ERBIN: variants seen among roughly 807,000 people sequenced by gnomAD.
ERBIN encodes the protein erbb2 interacting protein.
Under a neutral mutation model 158.4 loss-of-function variants are expected in ERBIN, and 60 were observed. That is an observed-to-expected ratio of 0.38 (90% CI 0.31 to 0.47). The LOEUF is 0.47. ERBIN is among the 20% of genes least tolerant of loss of function. The probability of loss-of-function intolerance (pLI) is 0.99; values close to 1 mark genes in which losing one functional copy is unlikely to be tolerated. For synonymous variants in ERBIN, 594 were observed against 557.2 expected, an observed-to-expected ratio of 1.07 and a Z score of -0.93; for missense variants, 1,610 against 1,648.0, an observed-to-expected ratio of 0.98 and a Z score of 0.40.
intron 21 of ERBIN, among the ~76,000 whole-genome samples, chr5:66,064,132 A>G (rs1011778966): frequency 5.3e-5 from 8 of 152,350 alleles, no homozygotes; most frequent in South Asian, 2.1e-4. Context: ...GATAAATGCA[A>G]TAGTAATCAC....
chr5:66,030,478 T>C (rs1027817975), intron 14 of ERBIN, among the ~76,000 whole-genome samples: 7 of 152,054 alleles, frequency 4.6e-5, no homozygotes, highest in East Asian at 3.8e-4. Flanking sequence ...CCCCATCTTA[T>C]GCCATTTACT....
rs200847060 is a variant in ERBIN, at chr5:65,965,382, G to GTTTTTT, written c.-57-23217_-57-23212dup. On this transcript the variant is annotated intron_variant, in intron 1 of 25. Transcript: ENST00000284037. Reference sequence around the variant, plus strand: ...GTTCTTACCAGATTTGTTTTTTGTTGTTTTTTTTTTTTTTTTTTTTTTTTT... The same window carrying GTTTTTT: ...GTTCTTACCAGATTTGTTTTTTGTTGTTTTTTTTTTTTTTTTTTTTTTTTTTTTTTT... Among the ~76,000 whole-genome samples the GTTTTTT allele has an allele frequency of 6.9e-4, 66 of 96,042 alleles. 1 individual carries two copies. Among genetic ancestry groups the GTTTTTT allele is most frequent in the East Asian group, 1.4e-3 (4 of 2,816 alleles). The allele number at this position is 96,042 out of a possible 152,430, so 63.0% of individuals were successfully genotyped here. A position where few individuals can be genotyped will look rare whatever the true frequency, so the allele number is the denominator to read the frequency against.
chr5:66,072,191 C>T lies in ERBIN; in HGVS notation c.3656C>T (p.Ser1219Leu). ...LEKKHPQTSS[S>L]GDPCQDGIFI... ...TAGAAGCATCCCCAGACATCCAGTT[C>T]AGGAGATCCTTGTCAAGATGGTATA... Residue 1219 changes from serine to leucine, a missense_variant, in exon 22 of 26, where the codon TCA becomes TTA. Around this residue, in one of 2 missense-constraint regions of ERBIN, gnomAD observed 1,014 missense variants for 936.1 expected, o/e 1.08. Coordinates refer to ENST00000284037, the MANE Select transcript of ERBIN (RefSeq NM_001253697.2). 6.5e-7 allele frequency: 1 copy of T among 1,550,222 alleles called. No homozygotes were observed. The highest frequency in any genetic ancestry group is 2.4e-5 in the East Asian group (1 of 40,836).
intron 6 of ERBIN, among the ~76,000 whole-genome samples, chr5:66,014,206 A>C (rs1192727637): frequency 6.6e-6 from 1 of 152,178 alleles, no homozygotes; most frequent in Non-Finnish European, 1.5e-5. Flanking sequence ...CCTCTTCTGT[A>C]TCTGGCATTT....
intron 1 of ERBIN, among the ~76,000 whole-genome samples, chr5:65,934,353 C>G (rs902479520): frequency 1.3e-5 from 2 of 152,112 alleles, no homozygotes; most frequent in African/African-American, 4.8e-5. Context: ...GCAAACTATT[C>G]CAGTTTGGAA....
intron 21 of ERBIN, chr5:66,068,854 A>G: frequency 1.3e-6 from 2 of 1,507,220 alleles, no homozygotes; most frequent in South Asian, 2.5e-5. Flanking sequence ...AATCTCTGTT[A>G]AATCTATCCC....
intron 21 of ERBIN, among the ~76,000 whole-genome samples, chr5:66,058,771 A>G (rs1180561505): frequency 6.6e-6 from 1 of 150,718 alleles, no homozygotes; most frequent in African/African-American, 2.5e-5. Context: ...CAGTTTTCCC[A>G]GCACCATTTA....
chr5:66,003,156 G>A (rs533029128), intron 4 of ERBIN, among the ~76,000 whole-genome samples: 3 of 152,178 alleles, frequency 2.0e-5, no homozygotes, highest in Non-Finnish European at 4.4e-5. Context: ...TTATTCTGTA[G>A]TATGGTAATC....
At chr5:65,932,337 CAAAA>C (rs1040732361) in intron 1 of ERBIN, among the ~76,000 whole-genome samples, 1 of 54,660 alleles carries the variant, frequency 1.8e-5, no homozygotes. Context: ...GACTCCGTCT[CAAAA>C]AAAAAAAAAA....
At chr5:66,014,306 A>G (rs913899292) in intron 6 of ERBIN, among the ~76,000 whole-genome samples, 2 of 152,046 alleles carry the variant, frequency 1.3e-5, no homozygotes, top group African/African-American at 2.4e-5. Context: ...CTTTTGTTTC[A>G]TTATTTCTTC....
intron 10 of ERBIN, among the ~76,000 whole-genome samples, chr5:66,025,030 T>C (rs1224584455): frequency 6.6e-6 from 1 of 152,158 alleles, no homozygotes; most frequent in Non-Finnish European, 1.5e-5. Context: ...GTCAACACTT[T>C]TTAAACTTAA....
chr5:65,941,667 G>T (rs200133104), intron 1 of ERBIN, among the ~76,000 whole-genome samples: 3 of 152,128 alleles, frequency 2.0e-5, no homozygotes, highest in African/African-American at 7.2e-5. Context: ...CAAGGAAAAG[G>T]ATCTTTGTCA....
At chr5:65,970,947 C>T (rs1435574715) in intron 1 of ERBIN, among the ~76,000 whole-genome samples, 3 of 152,104 alleles carry the variant, frequency 2.0e-5, no homozygotes, top group Non-Finnish European at 4.4e-5. Context: ...CTTTAGTGTT[C>T]AGCACCTAGT....
In ERBIN at chr5:65,926,728, A is replaced by G. The variant is rs1018045944; in HGVS notation, c.-136A>G. ...CCGAGAGAGATATTCAGCTGGATCC[A>G]AAGTGACTGATGAAGGGAAGGAAAT... is the stretch of plus-strand genomic sequence containing the variant. On this transcript the variant is annotated 5_prime_UTR_variant, in exon 1 of 26. Coordinates refer to ENST00000284037, the MANE Select transcript of ERBIN (RefSeq NM_001253697.2). 6.6e-6 allele frequency: 1 copy of G among 152,086 alleles called. No homozygotes were observed. Among genetic ancestry groups the G allele is most frequent in the East Asian group, 1.9e-4 (1 of 5,178 alleles). 9.4% of individuals were successfully genotyped at this position (152,086 alleles called of 1,614,324 possible).
In ERBIN at chr5:65,962,247, GTGTT is replaced by G. The variant is rs768363539; in HGVS notation, c.-57-26385_-57-26382del. ...TTGTGTCCCAAAATGTATATAAAAT[GTGTT>G]TGATTACAACATTTCTTCTTTTCTT... On this transcript the variant is annotated intron_variant, in intron 1 of 25. Coordinates refer to ENST00000284037, the MANE Select transcript of ERBIN (RefSeq NM_001253697.2). Among the ~76,000 whole-genome samples the G allele has an allele frequency of 4.6e-5, 7 of 152,272 alleles. No individual in the cohort carries two copies. The East Asian group carries it at 1.2e-3, about 25-fold the overall frequency.
intron 1 of ERBIN, among the ~76,000 whole-genome samples, chr5:65,940,874 AG>A (rs1561271933): frequency 6.6e-6 from 1 of 152,144 alleles, no homozygotes; most frequent in African/African-American, 2.4e-5. Context: ...TGGAATAGAA[AG>A]GGGGGAAAGG....
intron 1 of ERBIN, among the ~76,000 whole-genome samples, chr5:65,930,384 C>G (rs1352452460): frequency 5.3e-5 from 8 of 152,202 alleles, no homozygotes; most frequent in African/African-American, 1.9e-4. Flanking sequence ...TGGCCCACTG[C>G]AAGCTGCGCC....
At chr5:65,990,477 G>A (rs1050067247) in intron 2 of ERBIN, among the ~76,000 whole-genome samples, 2 of 152,004 alleles carry the variant, frequency 1.3e-5, no homozygotes, top group African/African-American at 4.8e-5. Flanking sequence ...GACCATCCTG[G>A]CTAACATGGT....
At chr5:65,983,794 C>A (rs928819928) in intron 1 of ERBIN, among the ~76,000 whole-genome samples, 3 of 152,176 alleles carry the variant, frequency 2.0e-5, no homozygotes, top group East Asian at 1.9e-4. Flanking sequence ...GGGCACCCCC[C>A]CCAACTGTCT....
Sources: gnomAD v4.1 joint callset for allele counts (sites outside exome capture counted in the v4.1 genomes callset) on GRCh38, gnomAD v4.1.1 for gene constraint, gnomAD v4.1.1 regional missense constraint, MANE v1.5 for transcripts, NCBI Gene and HGNC (gene_info 2026-07-23, HGNC 2026-07-21) for gene names.